MGA: variants seen among roughly 807,000 people sequenced by gnomAD.
The protein encoded by MGA is MAX gene-associated protein.
A neutral mutation model predicts 261.1 loss-of-function variants in MGA; 40 were observed. The ratio of observed to expected loss-of-function variants is 0.15; its 90% CI spans 0.12 to 0.20. The LOEUF (loss-of-function observed/expected upper bound fraction) is 0.20, where lower values mean the gene tolerates loss of function less well. MGA is among the 10% of genes least tolerant of loss of function. MGA has a pLI of 1.00. For synonymous variants in MGA, 1,302 were observed against 1,290.6 expected, an observed-to-expected ratio of 1.01 and a Z score of -0.19; for missense variants, 3,397 against 3,630.5, an observed-to-expected ratio of 0.94 and a Z score of 1.65.
intron 12 of MGA, among the ~76,000 whole-genome samples, chr15:41,735,841 T>C (rs533562210): frequency 6.6e-6 from 1 of 152,336 alleles, no homozygotes; most frequent in African/African-American, 2.4e-5. Flanking sequence ...TGCCTGTATG[T>C]ATAGCAAAAT....
At chr15:41,756,600 T>C (rs1170871413) in intron 18 of MGA, among the ~76,000 whole-genome samples, 1 of 152,116 alleles carries the variant, frequency 6.6e-6, no homozygotes, top group Non-Finnish European at 1.5e-5. Flanking sequence ...TTTGCTATTA[T>C]GAAGATTTAG....
chr15:41,715,932 C>T lies in MGA; in HGVS notation c.3430+2436C>T, dbSNP rs1371134828. Among the ~76,000 whole-genome samples, 7 of 152,242 alleles carry T rather than the reference C, an allele frequency of 4.6e-5. No homozygotes were observed. The South Asian group carries it at 1.2e-3, about 27-fold the overall frequency. On this transcript the variant is annotated intron_variant, in intron 9 of 23. Transcript: ENST00000219905. ...ATTTCAAAGCAACAAAAATAAAATA[C>T]GGAAGCCCACATAAGCAGGAATAGT...
upstream of MGA, among the ~76,000 whole-genome samples, chr15:41,656,339 C>T (rs988278040): frequency 2.3e-5 from 1 of 43,462 alleles, no homozygotes; most frequent in African/African-American, 4.7e-5. Context: ...TCTCCCTCTC[C>T]TCTCTTCTCT....
At chr15:41,726,723 T>G (rs2061269091) in intron 9 of MGA, among the ~76,000 whole-genome samples, 1 of 137,832 alleles carries the variant, frequency 7.3e-6, no homozygotes, top group South Asian at 2.4e-4. Context: ...AACAAGACTC[T>G]GTCTCAAAAA....
rs764606265 is a variant in MGA at position 41,766,632 on chromosome 15, T to A, written c.8550T>A (p.Ser2850=). 1 of 1,614,032 alleles carries A rather than the reference T, an allele frequency of 6.2e-7. No homozygotes were observed. Among genetic ancestry groups the A allele is most frequent in the East Asian group, 2.2e-5 (1 of 44,880 alleles). ...TTGGCCTGGCTGAACTACCCAGCTC[T>A]ATGGATACAGAGTTCCCAGGGGATG... is the stretch of plus-strand genomic sequence containing the variant. The change falls in exon 24 of 24, where the codon TCT becomes TCA. Residue 2850 remains serine, a synonymous_variant. Coordinates refer to ENST00000219905, the MANE Select transcript of MGA (RefSeq NM_001164273.2).
At chr15:41,688,106 C>T (rs563403773) in intron 2 of MGA, among the ~76,000 whole-genome samples, 7 of 152,272 alleles carry the variant, frequency 4.6e-5, no homozygotes, top group South Asian at 4.1e-4. Flanking sequence ...GATGGAACCT[C>T]GCTCTGTCAC....
At chr15:41,706,307 A>G (rs751116555) in intron 5 of MGA, among the ~76,000 whole-genome samples, 1 of 151,578 alleles carries the variant, frequency 6.6e-6, no homozygotes, top group Non-Finnish European at 1.5e-5. Context: ...GGAATTGCAA[A>G]CTAAAACAAA....
chr15:41,688,143 T>C (rs2059063243), intron 2 of MGA, among the ~76,000 whole-genome samples: 1 of 152,216 alleles, frequency 6.6e-6, no homozygotes, highest in African/African-American at 2.4e-5. Flanking sequence ...TGGTGCGATG[T>C]TGGCTCACTG....
chr15:41,723,130 A>G (rs550976469), intron 9 of MGA, among the ~76,000 whole-genome samples: 69 of 152,318 alleles, frequency 4.5e-4, no homozygotes, highest in African/African-American at 1.6e-3. Flanking sequence ...TGTGCTACTC[A>G]GCTTCTCCCC....
chr15:41,623,864 C>G (rs2056376241), intron 1 of MGA, among the ~76,000 whole-genome samples: 1 of 148,318 alleles, frequency 6.7e-6, no homozygotes, highest in African/African-American at 2.5e-5. Context: ...CTTCTGGGTT[C>G]AAGCAATTCT....
Position 41,767,178 on chromosome 15 carries a change from G to A in MGA, c.9096G>A (p.Gly3032=), listed in dbSNP as rs529631721. The A allele has an allele frequency of 1.2e-4, 198 of 1,613,998 alleles. 2 individuals carry two copies. The South Asian group carries it at 1.8e-3, about 15-fold the overall frequency. Residue 3032 remains glycine (G), a synonymous_variant, in exon 24 of 24, where the codon GGG becomes GGA. Coordinates refer to ENST00000219905, the MANE Select transcript of MGA (RefSeq NM_001164273.2). ...TTGGACACAAAATGAACTTAACAGGGAATGACCAGGAAGGCCGGGAAAGCA... is the reference window on the plus strand; with the variant it reads ...TTGGACACAAAATGAACTTAACAGGAAATGACCAGGAAGGCCGGGAAAGCA...
At position 41,696,617 on chromosome 15, in the gene MGA, A is replaced by T; in HGVS notation, c.1607A>T (p.Asp536Val). The change falls in exon 3 of 24, where the codon GAT becomes GTT. Residue 536 changes from aspartate (D) to valine (V), a missense_variant. Coordinates refer to ENST00000219905, the MANE Select transcript of MGA (RefSeq NM_001164273.2). The stretch of plus-strand genomic sequence containing the variant: ...AATGGTCTTAGAAAACATTCACCAG[A>T]TCTCAGAGTGGTACAAAAATATCCC... The T allele has an allele frequency of 1.2e-6, 2 of 1,613,826 alleles. No individual in the cohort carries two copies. The highest frequency in any genetic ancestry group is 1.1e-5 in the South Asian group (1 of 91,044).
rs1344308826 is a variant in MGA at position 41,749,361 on chromosome 15, T to G, written c.5754T>G (p.Ser1918=). 1.9e-6 allele frequency: 3 copies of G among 1,613,898 alleles called. No individual in the cohort carries two copies. In the African/African-American group the frequency reaches 4.0e-5, roughly 22 times the overall value. The change falls in exon 17 of 24, where the codon TCT becomes TCG. Residue 1918 remains serine (S), a synonymous_variant. Coordinates refer to ENST00000219905, the MANE Select transcript of MGA (RefSeq NM_001164273.2). ...AAAGCTTTGCAAGTAAAACAGGCTC[T>G]GAAACCAAAATAACTTATAGCTCAG...
chr15:41,657,032 T>G (rs1432400657), upstream of MGA, among the ~76,000 whole-genome samples: 8 of 152,040 alleles, frequency 5.3e-5, no homozygotes, highest in South Asian at 1.1e-3. Flanking sequence ...CTTCTGCCTC[T>G]GCCTCCCAAA....
In MGA at chr15:41,672,944, T is replaced by TG. The variant is rs5812198; in HGVS notation, c.1064+2987dup. Among the ~76,000 whole-genome samples the TG allele has an allele frequency of 4.2e-3, 636 of 152,326 alleles. 4 individuals are homozygous for TG. The highest frequency in any genetic ancestry group is 0.015 in the African/African-American group (614 of 41,586). On this transcript the variant is annotated intron_variant, in intron 2 of 23. Transcript: ENST00000219905. ...GATATATGATTGCTCTGTCATTCTT[T>TG]GTTTTAGCTAATGTTATTGGTAAAC...
In MGA at chr15:41,629,462, A is replaced by G. The variant is rs57553479; in HGVS notation, c.-68+8164A>G. ...TATTAAATTCTAGAGCCTAGGGTCAAGATCAGGGTTGCGAATATACCTTTG... is the reference window on the plus strand; with the variant it reads ...TATTAAATTCTAGAGCCTAGGGTCAGGATCAGGGTTGCGAATATACCTTTG... On this transcript the variant is annotated intron_variant, in intron 1 of 8. Coordinates refer to the MGA transcript ENST00000566718. Among the ~76,000 whole-genome samples the G allele has an allele frequency of 9.9e-3, 1,507 of 152,264 alleles. 26 individuals are homozygous for G. The highest frequency in any genetic ancestry group is 0.034 in the African/African-American group (1,433 of 41,550).
intron 1 of MGA, among the ~76,000 whole-genome samples, chr15:41,647,754 C>T (rs1566931908): frequency 6.6e-6 from 1 of 151,942 alleles, no homozygotes; most frequent in African/African-American, 2.4e-5. Flanking sequence ...TAAGGTTCAC[C>T]TTTTTTATCT....
intron 5 of MGA, among the ~76,000 whole-genome samples, chr15:41,701,299 GT>G (rs1266485822): frequency 1.3e-5 from 2 of 150,386 alleles, no homozygotes; most frequent in Non-Finnish European, 3.0e-5. Context: ...CATTTATATT[GT>G]GTTCTTTTAA....
intron 1 of MGA, among the ~76,000 whole-genome samples, chr15:41,660,739 C>T (rs1031622354): frequency 6.6e-6 from 1 of 152,220 alleles, no homozygotes; most frequent in Non-Finnish European, 1.5e-5. Flanking sequence ...GCGCGCGTCC[C>T]CGGCCTCACT....
Sources: allele counts gnomAD v4.1 joint callset (sites outside exome capture counted in the v4.1 genomes callset), GRCh38; gene constraint gnomAD v4.1.1; transcripts MANE v1.5; gene names NCBI Gene and HGNC (gene_info 2026-07-23, HGNC 2026-07-21).